OTOGL: variants seen among roughly 807,000 people sequenced by gnomAD.
OTOGL encodes otogelin-like protein.
In OTOGL, 285 loss-of-function variants were observed where a neutral mutation model predicts 318.5. The observed-to-expected ratio is 0.89, with a 90% CI of 0.81 to 0.99. The LOEUF (loss-of-function observed/expected upper bound fraction) is 0.99. Among genes scored for constraint, OTOGL ranks in the 50% least tolerant of loss-of-function variants. The pLI is 0.00. For synonymous variants in OTOGL, 987 were observed against 936.5 expected, an observed-to-expected ratio of 1.05 and a Z score of -0.99; for missense variants, 2,899 against 2,845.6, an observed-to-expected ratio of 1.02 and a Z score of -0.43.
rs1375416996 is a variant in OTOGL, at chr12:80,370,485, C to T, written c.6616-85C>T. ...AAGAAGCCTTTGCATCTTGATTTGA[C>T]TTTTTATTCAATAGAATAATATTGT... On this transcript the variant is annotated intron_variant, in intron 55 of 58. Coordinates refer to ENST00000547103, the MANE Select transcript of OTOGL (RefSeq NM_001378609.3). 2.5e-6 allele frequency: 3 copies of T among 1,187,684 alleles called. No individual in the cohort carries two copies. The African/African-American group carries it at 4.8e-5, about 19-fold the overall frequency. The allele number at this position is 1,187,684 out of a possible 1,614,324, so 73.6% of individuals were successfully genotyped here. A position where few individuals can be genotyped will look rare whatever the true frequency, so the allele number is the denominator to read the frequency against.
chr12:80,317,718 A>G (rs1334508335), intron 32 of OTOGL, among the ~76,000 whole-genome samples: 1 of 152,116 alleles, frequency 6.6e-6, no homozygotes, highest in Non-Finnish European at 1.5e-5. Flanking sequence ...AGCCATTACC[A>G]GGTAGAGACT....
At chr12:80,206,217 G>T (rs1478055710) in intron 1 of OTOGL, among the ~76,000 whole-genome samples, 1 of 152,138 alleles carries the variant, frequency 6.6e-6, no homozygotes, top group Non-Finnish European at 1.5e-5. Context: ...GTGTTTTGTG[G>T]CTCTGAGTCT....
intron 1 of OTOGL, among the ~76,000 whole-genome samples, chr12:80,171,417 G>A (rs983556401): frequency 1.3e-5 from 2 of 152,128 alleles, no homozygotes; most frequent in Non-Finnish European, 1.5e-5. Flanking sequence ...GCACGTGGAA[G>A]TCCAATTGTC....
At position 80,257,808 on chromosome 12, in the gene OTOGL, A is replaced by G. The variant is rs752130778; in HGVS notation, c.1712-17A>G. 2.6e-6 allele frequency: 4 copies of G among 1,546,958 alleles called. No homozygotes were observed. Among genetic ancestry groups the G allele is most frequent in the Non-Finnish European group, 3.5e-6 (4 of 1,149,376 alleles). ...TATGAATGTCAAAGCTGATTTACGT[A>G]TGTTCTTTTCCTGCAGGTATTGTTG... On this transcript the variant is annotated splice_polypyrimidine_tract_variant and intron_variant, in intron 17 of 58. Coordinates refer to ENST00000547103, the MANE Select transcript of OTOGL (RefSeq NM_001378609.3).
chr12:80,308,836 G>A lies in OTOGL; in HGVS notation c.3334-1775G>A, dbSNP rs536229727. ...ACAAAAACCAGTCAGGTGTGGCGGC[G>A]CGCGCCTGCAATCGCAGGCACTCGG... is the stretch of plus-strand genomic sequence containing the variant. On this transcript the variant is annotated intron_variant, in intron 29 of 58. Coordinates refer to ENST00000547103, the MANE Select transcript of OTOGL (RefSeq NM_001378609.3). Among the ~76,000 whole-genome samples the A allele has an allele frequency of 1.8e-4, 28 of 152,292 alleles. No homozygotes were observed. In the East Asian group the frequency reaches 2.7e-3, roughly 15 times the overall value.
chr12:80,313,566 G>A lies in OTOGL; in HGVS notation c.3541G>A (p.Ala1181Thr), dbSNP rs1886783866. 6.2e-7 allele frequency: 1 copy of A among 1,612,140 alleles called. No individual in the cohort carries two copies. The highest frequency in any genetic ancestry group is 1.1e-5 in the South Asian group (1 of 91,030). Reference sequence around the variant, plus strand: ...CTGTGAGTGTTTGTGCACTAGTATAGCTGCATATGCATACAAGTGTTGTCA... The same window carrying A: ...CTGTGAGTGTTTGTGCACTAGTATAACTGCATATGCATACAAGTGTTGTCA... ...GDCECLCTSIAAYAYKCCQEG... is the reference protein window; with the variant it reads ...GDCECLCTSITAYAYKCCQEG... Residue 1181 changes from alanine to threonine, a missense_variant, in exon 31 of 59, where the codon GCT (alanine) becomes ACT (threonine). Around this residue, in one of 3 missense-constraint regions of OTOGL, gnomAD observed 2,607 missense variants for 2,524.9 expected, o/e 1.03. Transcript: ENST00000547103.
At chr12:80,260,269 TG>T (rs1303692216) in intron 18 of OTOGL, among the ~76,000 whole-genome samples, 2 of 152,200 alleles carry the variant, frequency 1.3e-5, no homozygotes, top group Non-Finnish European at 2.9e-5. Context: ...TTCAGTTTTT[TG>T]TTTTATTTAT....
At chr12:80,250,607 A>C (rs1263109756) in intron 11 of OTOGL, among the ~76,000 whole-genome samples, 1 of 152,090 alleles carries the variant, frequency 6.6e-6, no homozygotes, top group African/African-American at 2.4e-5. Flanking sequence ...GAGCCTCTAG[A>C]GTTTATATGC....
chr12:80,233,183 A>G (rs1279371387), intron 9 of OTOGL, 86 bp downstream of exon 9: 2 of 1,260,478 alleles, frequency 1.6e-6, no homozygotes, highest in Admixed American at 2.9e-5. Flanking sequence ...AAGACTTGTC[A>G]TAGCTTTGGG....
Position 80,368,187 on chromosome 12 carries a change from T to TA in OTOGL, c.6511-16dup. On this transcript the variant is annotated splice_polypyrimidine_tract_variant and intron_variant, in intron 54 of 58. Transcript: ENST00000547103. ...AAATATTGATATGGTGTCGCTAATC[T>TA]AATATCATTATATGCAGCACCAGGT... 6.6e-7 allele frequency: 1 copy of TA among 1,518,708 alleles called. No individual in the cohort carries two copies. The allele number at this position is 1,518,708 out of a possible 1,614,324, so 94.1% of individuals were successfully genotyped here.
In OTOGL at chr12:80,279,141, G is replaced by A. The variant is rs1884027287; in HGVS notation, c.2903G>A (p.Ser968Asn). Residue 968 changes from serine (S) to asparagine (N), a missense_variant, in exon 26 of 59, where the codon AGT (serine) becomes AAT (asparagine). Physicochemically the swap from Ser to Asn is conservative, Grantham distance 46. Coordinates refer to ENST00000547103, the MANE Select transcript of OTOGL (RefSeq NM_001378609.3). Reference protein sequence around the residue: ...SFDGLEYDYISDCQVFLIKSA... With the variant: ...SFDGLEYDYINDCQVFLIKSA... Reference sequence around the variant, plus strand: ...GATGGACTAGAATATGACTATATCAGTGATTGCCAGGTGTTTTTGATAAAG... The same window carrying A: ...GATGGACTAGAATATGACTATATCAATGATTGCCAGGTGTTTTTGATAAAG... The A allele has an allele frequency of 1.3e-6, 2 of 1,592,270 alleles. No individual in the cohort carries two copies. The highest frequency in any genetic ancestry group is 1.7e-6 in the Non-Finnish European group (2 of 1,175,998).
At chr12:80,145,823 G>T (rs1189678063) in intron 1 of OTOGL, among the ~76,000 whole-genome samples, 11 of 152,062 alleles carry the variant, frequency 7.2e-5, no homozygotes, top group Non-Finnish European at 1.5e-4. Flanking sequence ...TGAAGCAGTT[G>T]TGAATGGGAG....
rs903503753 is a variant in OTOGL at position 80,222,170 on chromosome 12, C to T, written c.414C>T (p.Tyr138=). 4 of 1,597,608 alleles carry T rather than the reference C, an allele frequency of 2.5e-6. No individual in the cohort carries two copies. The highest frequency in any genetic ancestry group is 3.4e-6 in the Non-Finnish European group (4 of 1,178,274). Residue 138 remains tyrosine (Y), a synonymous_variant, in exon 7 of 59, where the codon TAC becomes TAT. Transcript: ENST00000547103. ...QYHFETFDGI[Y]YYFPGNCSYI... is the part of the protein sequence containing the mutation. Reference sequence around the variant, plus strand: ...ATTTTGAAACATTCGATGGCATCTACTATTACTTCCCAGGAAACTGTTCTT... The same window carrying T: ...ATTTTGAAACATTCGATGGCATCTATTATTACTTCCCAGGAAACTGTTCTT...
At chr12:80,328,235 C>T (rs1592713164) in intron 35 of OTOGL, among the ~76,000 whole-genome samples, 1 of 151,944 alleles carries the variant, frequency 6.6e-6, no homozygotes, top group East Asian at 1.9e-4. Flanking sequence ...GGGAAGACCA[C>T]CTGGGTCCAG....
intron 57 of OTOGL, 91 bp downstream of exon 57, chr12:80,372,155 A>T (rs2138101011): frequency 1.2e-6 from 1 of 802,292 alleles, no homozygotes; most frequent in Non-Finnish European, 1.8e-6. Flanking sequence ...TTCAATTCCT[A>T]TGATGCAAAG....
At chr12:80,130,349 C>T (rs765198625) in intron 1 of OTOGL, among the ~76,000 whole-genome samples, 5 of 152,152 alleles carry the variant, frequency 3.3e-5, no homozygotes, top group Non-Finnish European at 5.9e-5. Flanking sequence ...GATGCTGAGG[C>T]CAATTTAGTC....
chr12:80,319,448 A>G (rs1297600743), intron 33 of OTOGL, among the ~76,000 whole-genome samples: 1 of 152,208 alleles, frequency 6.6e-6, no homozygotes, highest in African/African-American at 2.4e-5. Flanking sequence ...ACAATTCTCC[A>G]GTTAGAATAA....
intron 1 of OTOGL, among the ~76,000 whole-genome samples, chr12:80,112,713 T>C (rs977590671): frequency 6.6e-6 from 1 of 150,694 alleles, no homozygotes; most frequent in East Asian, 1.9e-4. Context: ...TTCTTTCTTT[T>C]TTTTTTTTTT....
At chr12:80,166,528 T>G (rs1340293001) in intron 1 of OTOGL, among the ~76,000 whole-genome samples, 1 of 152,156 alleles carries the variant, frequency 6.6e-6, no homozygotes. Context: ...CTATTTGGCC[T>G]CTCTTTCAAA....
Sources: gnomAD v4.1 joint callset for allele counts (sites outside exome capture counted in the v4.1 genomes callset) on GRCh38, gnomAD v4.1.1 for gene constraint, gnomAD v4.1.1 regional missense constraint, MANE v1.5 for transcripts, NCBI Gene and HGNC (gene_info 2026-07-23, HGNC 2026-07-21) for gene names.